CNTN3: variants seen among roughly 807,000 people sequenced by gnomAD.
The protein encoded by CNTN3 is contactin-3.
Under a neutral mutation model 119.1 loss-of-function variants are expected in CNTN3, and 60 were observed. The ratio of observed to expected loss-of-function variants is 0.50; its 90% CI spans 0.41 to 0.62. The LOEUF is 0.62. Ranked by LOEUF, CNTN3 falls within the 20% of genes least tolerant of loss-of-function variation. CNTN3 has a pLI of 0.00. For synonymous variants in CNTN3, 450 were observed against 438.7 expected (o/e 1.03, Z -0.32); for missense variants, 1,101 against 1,242.4 (o/e 0.89, Z 1.71).
intron 13 of CNTN3, among the ~76,000 whole-genome samples, chr3:74,307,869 G>GA (rs1367694024): frequency 2.6e-5 from 4 of 152,116 alleles, no homozygotes; most frequent in African/African-American, 9.6e-5. Flanking sequence ...TCCAGTTTAA[G>GA]AAAAAAAATT....
intron 11 of CNTN3, among the ~76,000 whole-genome samples, chr3:74,343,412 G>T (rs1373571906): frequency 6.6e-6 from 1 of 152,234 alleles, no homozygotes; most frequent in Non-Finnish European, 1.5e-5. Flanking sequence ...AGTCATTAGA[G>T]AAATATCCAA....
intron 1 of CNTN3, among the ~76,000 whole-genome samples, chr3:74,550,766 T>G (rs1305994166): frequency 6.6e-6 from 1 of 152,140 alleles, no homozygotes; most frequent in South Asian, 2.1e-4. Context: ...GGTCTTTAAC[T>G]CCTAGGCTCA....
Position 74,295,137 on chromosome 3 carries a change from T to C in CNTN3, c.2501A>G (p.His834Arg), listed in dbSNP as rs200983216. 37 of 1,607,554 alleles carry C rather than the reference T, an allele frequency of 2.3e-5. No individual in the cohort carries two copies. Among genetic ancestry groups the C allele is most frequent in the Non-Finnish European group, 2.9e-5 (34 of 1,174,234 alleles). ...AGAAATTACCTCATAGCCCAGTAAA[T>C]GTCCATTGCTCAACTTCCAAGGAAT... The part of the protein sequence containing the change: ...NTIPWKLSNG[H>R]LLGYEVRYWN... The change falls in exon 19 of 23, where the codon CAT becomes CGT. Residue 834 changes from histidine (H) to arginine (R), a missense_variant. Coordinates refer to ENST00000263665, the MANE Select transcript of CNTN3 (RefSeq NM_020872.3).
At chr3:74,413,619 A>G (rs1701473191) in intron 5 of CNTN3, among the ~76,000 whole-genome samples, 1 of 152,188 alleles carries the variant, frequency 6.6e-6, no homozygotes, top group Non-Finnish European at 1.5e-5. Context: ...TAATTGCCCA[A>G]GCCTCAAATC....
chr3:74,427,385 C>T (rs1701712770), intron 4 of CNTN3, among the ~76,000 whole-genome samples: 1 of 152,096 alleles, frequency 6.6e-6, no homozygotes, highest in African/African-American at 2.4e-5. Context: ...TTTTCTGAGG[C>T]AGATGGAGCA....
chr3:74,479,684 G>C (rs554860507), intron 4 of CNTN3, among the ~76,000 whole-genome samples: 4 of 152,074 alleles, frequency 2.6e-5, no homozygotes, highest in South Asian at 2.1e-4. Flanking sequence ...GTGGGTGTTG[G>C]GGGGTGGACA....
intron 4 of CNTN3, among the ~76,000 whole-genome samples, chr3:74,462,918 C>G (rs144184575): frequency 2.0e-5 from 3 of 152,218 alleles, no homozygotes; most frequent in East Asian, 3.9e-4. Flanking sequence ...CTTCCATGCC[C>G]TGTTAATCTC....
chr3:74,354,183 G>A (rs1484058946), intron 11 of CNTN3, among the ~76,000 whole-genome samples: 1 of 151,944 alleles, frequency 6.6e-6, no homozygotes, highest in East Asian at 1.9e-4. Context: ...TCTTTAAAAG[G>A]CATTTAATTT....
intron 1 of CNTN3, among the ~76,000 whole-genome samples, chr3:74,590,851 A>G (rs1704689888): frequency 6.6e-6 from 1 of 152,020 alleles, no homozygotes; most frequent in Non-Finnish European, 1.5e-5. Flanking sequence ...CTACACCTTC[A>G]ATGGGAACCC....
rs1701609738 is a variant in CNTN3, at chr3:74,421,162, TTTTATTTTA to T, written c.454+3674_454+3682del. Among the ~76,000 whole-genome samples, 3 of 152,188 alleles carry T rather than the reference TTTTATTTTA, an allele frequency of 2.0e-5. No homozygotes were observed. In the South Asian group the frequency reaches 6.2e-4, roughly 32 times the overall value. On this transcript the variant is annotated intron_variant, in intron 5 of 22. Transcript: ENST00000263665. ...CAGAGGCTAACACTACTATGATTAT[TTTTATTTTA>T]TTTATTTTATTTTTTTTGAGACAGA... is the stretch of plus-strand genomic sequence containing the variant.
At chr3:74,311,597 G>T (rs1428043141) in intron 13 of CNTN3, among the ~76,000 whole-genome samples, 1 of 152,158 alleles carries the variant, frequency 6.6e-6, no homozygotes, top group African/African-American at 2.4e-5. Context: ...AAAGTAGAAT[G>T]ATTTTCTTTC....
intron 10 of CNTN3, among the ~76,000 whole-genome samples, chr3:74,362,564 T>A (rs1704098828): frequency 6.6e-6 from 1 of 152,212 alleles, no homozygotes. Context: ...ATTACGCACA[T>A]ATTATTTTAA....
intron 2 of CNTN3, among the ~76,000 whole-genome samples, chr3:74,518,006 G>A (rs1703479845): frequency 6.6e-6 from 1 of 151,976 alleles, no homozygotes; most frequent in African/African-American, 2.4e-5. Flanking sequence ...ATTCATTTGA[G>A]TGAGCACTTT....
At chr3:74,351,214 C>T (rs765889166) in intron 11 of CNTN3, among the ~76,000 whole-genome samples, 2 of 152,196 alleles carry the variant, frequency 1.3e-5, no homozygotes, top group Non-Finnish European at 2.9e-5. Flanking sequence ...CTGATCTTTG[C>T]AATCCACTGA....
At chr3:74,276,561 G>A (rs1256566694) in intron 20 of CNTN3, among the ~76,000 whole-genome samples, 4 of 150,704 alleles carry the variant, frequency 2.7e-5, no homozygotes, top group Admixed American at 2.6e-4. Context: ...AAATCAAGAT[G>A]GAAATTAAAG....
chr3:74,327,259 G>A (rs550648513), intron 13 of CNTN3, among the ~76,000 whole-genome samples: 2 of 151,826 alleles, frequency 1.3e-5, no homozygotes, highest in African/African-American at 4.8e-5. Flanking sequence ...CTCTCGAGTA[G>A]CTGTGATTAC....
In CNTN3 at chr3:74,361,999, C is replaced by T. The variant is rs532530032; in HGVS notation, c.1255G>A (p.Val419Ile). 1.1e-4 allele frequency: 179 copies of T among 1,613,624 alleles called. 2 individuals carry two copies. The South Asian group carries it at 1.7e-3, about 15-fold the overall frequency. Residue 419 changes from valine (V) to isoleucine (I), a missense_variant, in exon 11 of 23, where the codon GTT becomes ATT. Val to Ile is a conservative substitution (Grantham distance 29). Transcript: ENST00000263665. The part of the protein sequence containing the change: ...DFSKNPMKKL[V>I]QVQVGSLVSL... ...ACCAGGCTGCCCACCTGCACCTGAACCAACTTCTTCATTGGATTCTTTGAA... is the reference window on the plus strand; with the variant it reads ...ACCAGGCTGCCCACCTGCACCTGAATCAACTTCTTCATTGGATTCTTTGAA...
intron 4 of CNTN3, among the ~76,000 whole-genome samples, chr3:74,440,359 C>A (rs1158088871): frequency 3.9e-5 from 6 of 152,050 alleles, no homozygotes; most frequent in African/African-American, 1.4e-4. Flanking sequence ...TTACATGAGA[C>A]AAGTAATATA....
chr3:74,407,484 G>A (rs1185147738), intron 5 of CNTN3, among the ~76,000 whole-genome samples: 3 of 149,046 alleles, frequency 2.0e-5, no homozygotes, highest in Non-Finnish European at 4.4e-5. Flanking sequence ...TGTTGGTCAG[G>A]CTGGTCTCAA....
Sources: gnomAD v4.1 joint callset for allele counts (sites outside exome capture counted in the v4.1 genomes callset) on GRCh38, gnomAD v4.1.1 for gene constraint, MANE v1.5 for transcripts, NCBI Gene and HGNC (gene_info 2026-07-23, HGNC 2026-07-21) for gene names.